Variants in CLCN4 observed in about 807,000 individuals in gnomAD.
The protein encoded by CLCN4 is H(+)/Cl(-) exchange transporter 4.
CLCN4 carries 1 observed loss-of-function variant against 41.7 expected under a neutral mutation model. The ratio of observed to expected loss-of-function variants is 0.02; its 90% CI spans 0.01 to 0.11. CLCN4 has a LOEUF of 0.11. Ranked by LOEUF, CLCN4 falls within the 10% of genes least tolerant of loss-of-function variation. The pLI is 1.00. For missense variants in CLCN4, 287 were observed against 661.0 expected (o/e 0.43, Z 6.20); for synonymous variants, 277 against 285.8 (o/e 0.97, Z 0.31).
At chrX:10,223,606 G>A (rs758282729) in intron 12 of CLCN4, among the ~76,000 whole-genome samples, 1 of 111,743 alleles carries the variant, frequency 8.9e-6, no homozygotes, top group East Asian at 2.8e-4. Context: ...GCTCGGGATG[G>A]CCACGAGCCT....
intron 12 of CLCN4, among the ~76,000 whole-genome samples, chrX:10,229,024 C>G (rs1028900942): frequency 5.4e-5 from 6 of 111,492 alleles, no homozygotes; most frequent in Non-Finnish European, 1.1e-4. Flanking sequence ...AATGGCCTAT[C>G]TGCAACAAAT....
intron 12 of CLCN4, among the ~76,000 whole-genome samples, chrX:10,224,606 A>G (rs1924945149): frequency 9.0e-6 from 1 of 111,088 alleles, no homozygotes; most frequent in Admixed American, 9.6e-5. Flanking sequence ...ATTTAATTTA[A>G]AGTTCCGGGA....
intron 2 of CLCN4, among the ~76,000 whole-genome samples, chrX:10,168,838 G>A (rs767347121): frequency 9.1e-6 from 1 of 109,860 alleles, no homozygotes; most frequent in Non-Finnish European, 1.9e-5. Context: ...ACTTTATAGG[G>A]ATGGAATCTC....
chrX:10,176,407 G>A (rs1234101742), intron 2 of CLCN4, among the ~76,000 whole-genome samples: 1 of 112,839 alleles, frequency 8.9e-6, no homozygotes, highest in Non-Finnish European at 1.9e-5. Flanking sequence ...CTGTACAATG[G>A]CACAGTCCAG....
intron 2 of CLCN4, among the ~76,000 whole-genome samples, chrX:10,181,345 T>G (rs1923677238): frequency 1.0e-5 from 1 of 97,879 alleles, no homozygotes; most frequent in Non-Finnish European, 2.0e-5. Flanking sequence ...GGTGACAGAG[T>G]GAGACCCTGA....
intron 12 of CLCN4, among the ~76,000 whole-genome samples, chrX:10,224,695 C>T (rs757042775): frequency 9.8e-5 from 11 of 111,810 alleles, no homozygotes; most frequent in African/African-American, 3.3e-4. Flanking sequence ...AACCCATCAC[C>T]TAGGTAGGTA....
intron 2 of CLCN4, among the ~76,000 whole-genome samples, chrX:10,183,861 T>C: frequency 1.8e-5 from 2 of 112,473 alleles, no homozygotes; most frequent in Non-Finnish European, 3.8e-5. Flanking sequence ...TTTTAAGACA[T>C]TAAAAATGAG....
At chrX:10,187,452 C>T in intron 3 of CLCN4, 63 bp from the exon 4 acceptor site, 1 of 859,485 alleles carries the variant, frequency 1.2e-6, no homozygotes, top group Non-Finnish European at 1.7e-6. Context: ...GAAACAGTTT[C>T]AAGGAAAAAA....
chrX:10,178,865 A>G (rs1923602237), intron 2 of CLCN4, among the ~76,000 whole-genome samples: 1 of 112,210 alleles, frequency 8.9e-6, no homozygotes, highest in South Asian at 3.7e-4. Flanking sequence ...AAACAAAACA[A>G]AAACATTAAA....
intron 2 of CLCN4, among the ~76,000 whole-genome samples, chrX:10,169,781 CTTTTCTTTTCT>C (rs1372991114): frequency 0.012 from 714 of 60,171 alleles, 2 homozygotes; most frequent in Non-Finnish European, 0.017. Flanking sequence ...TTTTCTTTTT[CTTTTCTTTTCT>C]TTTTTTTTTT....
rs185768413 is a variant in CLCN4, at chrX:10,216,901, A to G, written c.1975+2822A>G. Among the ~76,000 whole-genome samples the G allele has an allele frequency of 0.013, 206 of 15,669 alleles. 2 individuals carry two copies. In the East Asian group the frequency reaches 0.33, roughly 25 times the overall value. The allele number at this position is 15,669 out of a possible 115,157, so 13.6% of individuals were successfully genotyped here. A position where few individuals can be genotyped will look rare whatever the true frequency, so the allele number is the denominator to read the frequency against. On this transcript the variant is annotated intron_variant, in intron 11 of 12. Coordinates refer to ENST00000380833, the MANE Select transcript of CLCN4 (RefSeq NM_001830.4). Reference sequence around the variant, plus strand: ...GGGATGTGTGTGTGTGTGTGTGTATATATATATATATATATATACACACAC... The same window carrying G: ...GGGATGTGTGTGTGTGTGTGTGTATGTATATATATATATATATACACACAC...
chrX:10,227,640 C>T (rs1043049012), intron 12 of CLCN4, among the ~76,000 whole-genome samples: 2 of 111,711 alleles, frequency 1.8e-5, no homozygotes, highest in African/African-American at 3.3e-5. Context: ...CAAAAAGAAA[C>T]CCCACACCCC....
chrX:10,158,872 C>A (rs1026272376), intron 2 of CLCN4, among the ~76,000 whole-genome samples: 5 of 113,519 alleles, frequency 4.4e-5, no homozygotes, highest in Non-Finnish European at 7.5e-5. Context: ...GACCACACTG[C>A]ATGCATTCTA....
intron 2 of CLCN4, among the ~76,000 whole-genome samples, chrX:10,172,785 T>C (rs950921457): frequency 2.7e-5 from 3 of 111,668 alleles, no homozygotes; most frequent in Non-Finnish European, 5.6e-5. Context: ...GCAGCGTGAA[T>C]AGGCAGATAA....
Position 10,212,658 on chromosome X carries a change from G to C in CLCN4, c.1576+5G>C, listed in dbSNP as rs183625504. ...TGGGAGCTGCGGCCTGCCTCGGTAC[G>C]ACCATGGGTGGGGCAGGGAGGGGGA... On this transcript the variant is annotated splice_donor_5th_base_variant and intron_variant, in intron 10 of 12. Transcript: ENST00000380833. The C allele has an allele frequency of 8.4e-7, 1 of 1,196,177 alleles. No homozygotes were observed. Among genetic ancestry groups the C allele is most frequent in the Non-Finnish European group, 1.1e-6 (1 of 884,231 alleles).
chrX:10,161,300 T>A (rs1269049468), intron 2 of CLCN4, among the ~76,000 whole-genome samples: 1 of 110,803 alleles, frequency 9.0e-6, no homozygotes, highest in African/African-American at 3.3e-5. Flanking sequence ...CTCCATCCAC[T>A]CCCCACGCCA....
Position 10,235,888 on chromosome X carries a change from G to A in CLCN4, c.*2304G>A, listed in dbSNP as rs201741017. 6 of 112,432 alleles carry A rather than the reference G, an allele frequency of 5.3e-5. No homozygotes were observed. In the East Asian group the frequency reaches 1.1e-3, roughly 21 times the overall value. The allele number at this position is 112,432 out of a possible 1,213,427, so 9.3% of individuals were successfully genotyped here. On this transcript the variant is annotated 3_prime_UTR_variant, in exon 13 of 13. Coordinates refer to ENST00000380833, the MANE Select transcript of CLCN4 (RefSeq NM_001830.4). ...AAATTCATTGTCGTATTTATAGCAC[G>A]TAAGCCTTGAGTAACAGGTCTTAAT...
intron 6 of CLCN4, among the ~76,000 whole-genome samples, chrX:10,200,998 TTTC>T (rs1009745981): frequency 2.7e-5 from 3 of 112,636 alleles, no homozygotes; most frequent in African/African-American, 6.5e-5. Flanking sequence ...TGAGCATTTG[TTTC>T]TTATGTGACA....
chrX:10,198,508 G>A (rs1285285994), intron 6 of CLCN4, among the ~76,000 whole-genome samples: 2 of 112,560 alleles, frequency 1.8e-5, no homozygotes, highest in Admixed American at 1.9e-4. Context: ...TGCTGTGAAA[G>A]TTCACTGATG....
Sources: gnomAD v4.1 joint callset for allele counts (sites outside exome capture counted in the v4.1 genomes callset) on GRCh38, gnomAD v4.1.1 for gene constraint, MANE v1.5 for transcripts, NCBI Gene and HGNC (gene_info 2026-07-23, HGNC 2026-07-21) for gene names.